The following SESN1 variants were observed in gnomAD, a reference collection of about 807,000 sequenced individuals.
SESN1 encodes sestrin-1.
SESN1 carries 30 observed loss-of-function variants against 59.3 expected under a neutral mutation model. The observed-to-expected ratio is 0.51, with a 90% confidence interval of 0.38 to 0.69. The LOEUF is 0.69. Among genes scored for constraint, SESN1 ranks in the 30% least tolerant of loss-of-function variants. SESN1 has a pLI of 0.00. For synonymous variants in SESN1, 197 were observed against 219.9 expected (o/e 0.90, Z 0.92); for missense variants, 566 against 673.0 (o/e 0.84, Z 1.76).
intron 6 of SESN1, 37 bp from the exon 7 acceptor site, chr6:108,992,936 G>A (rs750433383): frequency 7.4e-7 from 1 of 1,344,930 alleles, no homozygotes; most frequent in Non-Finnish European, 1.1e-6. Context: ...TTTAAAAATA[G>A]GATGCTAGTT....
chr6:109,017,261 T>A (rs1300619154), intron 1 of SESN1, among the ~76,000 whole-genome samples: 1 of 152,172 alleles, frequency 6.6e-6, no homozygotes, highest in African/African-American at 2.4e-5. Flanking sequence ...AATCATTCAT[T>A]ATTTGTAAAT....
chr6:109,013,354 G>A (rs1187232620), intron 1 of SESN1, among the ~76,000 whole-genome samples: 1 of 152,148 alleles, frequency 6.6e-6, no homozygotes, highest in Non-Finnish European at 1.5e-5. Context: ...GGAGAGAAGT[G>A]TAGAAGATGA....
At chr6:109,024,135 A>C (rs746830087) in intron 1 of SESN1, among the ~76,000 whole-genome samples, 1 of 152,196 alleles carries the variant, frequency 6.6e-6, no homozygotes, top group Non-Finnish European at 1.5e-5. Context: ...AAAGATGTAA[A>C]ATAGATGTCA....
chr6:109,031,548 C>G (rs1354607084), intron 1 of SESN1, among the ~76,000 whole-genome samples: 1 of 152,130 alleles, frequency 6.6e-6, no homozygotes, highest in Non-Finnish European at 1.5e-5. Flanking sequence ...TTAGAAGTCA[C>G]TGCGTTGGAG....
intron 1 of SESN1, among the ~76,000 whole-genome samples, chr6:109,020,053 G>A (rs191665672): frequency 1.3e-5 from 2 of 152,262 alleles, no homozygotes; most frequent in African/African-American, 4.8e-5. Flanking sequence ...GTTCAAATAG[G>A]TCACACTCAA....
intron 1 of SESN1, among the ~76,000 whole-genome samples, chr6:109,010,655 A>T (rs2114346200): frequency 6.6e-6 from 1 of 152,232 alleles, no homozygotes; most frequent in Middle Eastern, 3.4e-3. Context: ...ATCTCCTAAT[A>T]AATAAGATAA....
At chr6:109,053,669 T>G (rs1355368812) in intron 1 of SESN1, among the ~76,000 whole-genome samples, 1 of 152,196 alleles carries the variant, frequency 6.6e-6, no homozygotes, top group Non-Finnish European at 1.5e-5. Context: ...CATTCCTAAA[T>G]GCAATGAGAA....
chr6:109,001,331 T>G lies in SESN1; in HGVS notation c.503A>C (p.Asp168Ala). 1 of 1,613,870 alleles carries G rather than the reference T, an allele frequency of 6.2e-7. No homozygotes were observed. Among genetic ancestry groups the G allele is most frequent in the African/African-American group, 1.3e-5 (1 of 75,034 alleles). Residue 168 changes from aspartate (D) to alanine (A), a missense_variant, in exon 3 of 10, where the codon GAT becomes GCT. Physicochemically the swap from Asp to Ala is moderately radical, Grantham distance 126. Coordinates refer to ENST00000436639, the MANE Select transcript of SESN1 (RefSeq NM_014454.3). ...LKTQHYLLQMDGPLPLHYRHY... is the reference protein window; with the variant it reads ...LKTQHYLLQMAGPLPLHYRHY... ...ACGATAATGTAGGGGTAACGGCCCA[T>G]CCATTTGCAGTAGATAGTGCTGAGT...
rs1358142572 is a variant in SESN1, at chr6:108,985,137, A to G, written c.*2407T>C. Among the ~76,000 whole-genome samples the G allele has an allele frequency of 6.6e-6, 1 of 152,060 alleles. No individual in the cohort carries two copies. The highest frequency in any genetic ancestry group is 1.5e-5 in the Non-Finnish European group (1 of 68,030). On this transcript the variant is annotated 3_prime_UTR_variant, in exon 10 of 10. Coordinates refer to ENST00000436639, the MANE Select transcript of SESN1 (RefSeq NM_014454.3). ...GATATTCACATATATGAATATGCTA[A>G]TAAAATTTCAGAGTATATTGATAAA...
At position 109,001,436 on chromosome 6, in the gene SESN1, G is replaced by C; in HGVS notation, c.398C>G (p.Ser133Cys). ...ATCCAAACGGCCCAAAGCAGCAAAA[G>C]AATCTGCAAATAAAGCATGCATCTG... Reference protein sequence around the residue: ...DAQMHALFADSFAALGRLDNI... With the variant: ...DAQMHALFADCFAALGRLDNI... Residue 133 changes from serine (S) to cysteine (C), a missense_variant, in exon 3 of 10, where the codon TCT (serine) becomes TGT (cysteine). By Grantham distance (112) the Ser-to-Cys change is moderately radical. Coordinates refer to ENST00000436639, the MANE Select transcript of SESN1 (RefSeq NM_014454.3). 2.5e-6 allele frequency: 4 copies of C among 1,613,774 alleles called. No individual in the cohort carries two copies. Among genetic ancestry groups the C allele is most frequent in the East Asian group, 2.2e-5 (1 of 44,864 alleles).
rs1781403197 is a variant in SESN1, at chr6:109,093,950, C to T, written c.124G>A (p.Val42Met). 6.2e-7 allele frequency: 1 copy of T among 1,614,046 alleles called. No homozygotes were observed. The highest frequency in any genetic ancestry group is 1.3e-5 in the African/African-American group (1 of 74,918). ...ILRKTEYLRS[V>M]KETPHRPSDG... ...GATGGACGATGAGGTGTTTCTTTCACCGAACGAAGATACTCGGTTTTCCTC... is the reference window on the plus strand; with the variant it reads ...GATGGACGATGAGGTGTTTCTTTCATCGAACGAAGATACTCGGTTTTCCTC... Residue 42 changes from valine to methionine, a missense_variant, in exon 1 of 10, where the codon GTG (valine) becomes ATG (methionine). Transcript: ENST00000436639.
chr6:108,991,356 C>T (rs542288253), intron 7 of SESN1, among the ~76,000 whole-genome samples: 1 of 152,288 alleles, frequency 6.6e-6, no homozygotes, highest in South Asian at 2.1e-4. Flanking sequence ...ATCCTCCCTG[C>T]CTCAGCCTCC....
rs1446130851 is a variant in SESN1 at position 109,077,639 on chromosome 6, C to A, written c.279+16156G>T. Among the ~76,000 whole-genome samples the A allele has an allele frequency of 2.0e-5, 3 of 152,314 alleles. 1 individual carries two copies. The East Asian group carries it at 5.8e-4, about 29-fold the overall frequency. ...AGCAGCTGCACCCCACCTTTGGGAACCCTGGGGTCCAAGGAAAGAGCACTA... is the reference window on the plus strand; with the variant it reads ...AGCAGCTGCACCCCACCTTTGGGAAACCTGGGGTCCAAGGAAAGAGCACTA... On this transcript the variant is annotated intron_variant, in intron 1 of 9. Transcript: ENST00000436639.
intron 1 of SESN1, among the ~76,000 whole-genome samples, chr6:109,006,609 C>T (rs1779738395): frequency 6.6e-6 from 1 of 152,072 alleles, no homozygotes; most frequent in Non-Finnish European, 1.5e-5. Context: ...TGGTATCTTT[C>T]ATTATTATTC....
intron 1 of SESN1, among the ~76,000 whole-genome samples, chr6:109,027,399 C>G (rs1780112495): frequency 6.8e-6 from 1 of 146,066 alleles, no homozygotes; most frequent in Non-Finnish European, 1.5e-5. Flanking sequence ...ATTGCTTGAA[C>G]CAGGGAGGTG....
intron 1 of SESN1, among the ~76,000 whole-genome samples, chr6:109,038,960 G>A (rs1235948609): frequency 6.9e-6 from 1 of 145,166 alleles, no homozygotes; most frequent in East Asian, 2.0e-4. Flanking sequence ...AAGGGAGAAG[G>A]GAGAAGAAGG....
At chr6:109,006,423 T>C (rs1779732212) in intron 1 of SESN1, among the ~76,000 whole-genome samples, 1 of 151,738 alleles carries the variant, frequency 6.6e-6, no homozygotes, top group Non-Finnish European at 1.5e-5. Flanking sequence ...ACATTAGGTA[T>C]ATCTCCTAAT....
chr6:109,045,480 C>T (rs12525191), intron 1 of SESN1, among the ~76,000 whole-genome samples: 1 of 152,212 alleles, frequency 6.6e-6, no homozygotes, highest in Non-Finnish European at 1.5e-5. Context: ...CAGATTGCAT[C>T]TCTGCCTATG....
intron 1 of SESN1, among the ~76,000 whole-genome samples, chr6:109,091,287 A>T (rs1781313990): frequency 6.6e-6 from 1 of 152,226 alleles, no homozygotes; most frequent in Non-Finnish European, 1.5e-5. Context: ...AACAGGCTAT[A>T]TAACACATAG....
Sources: allele counts gnomAD v4.1 joint callset (sites outside exome capture counted in the v4.1 genomes callset), GRCh38; gene constraint gnomAD v4.1.1; transcripts MANE v1.5; gene names NCBI Gene and HGNC (gene_info 2026-07-23, HGNC 2026-07-21).